MLXIPL: variants seen among roughly 807,000 people sequenced by gnomAD.
The protein encoded by MLXIPL is carbohydrate-responsive element-binding protein.
In MLXIPL, 49 loss-of-function variants were observed where a neutral mutation model predicts 81.5. The ratio of observed to expected loss-of-function variants is 0.60; its 90% CI spans 0.48 to 0.76. The LOEUF (loss-of-function observed/expected upper bound fraction) is 0.76. MLXIPL is among the 30% of genes least tolerant of loss of function. The pLI is 0.00. For missense variants in MLXIPL, 1,053 were observed against 1,167.0 expected, an observed-to-expected ratio of 0.90 and a Z score of 1.42; for synonymous variants, 466 against 485.5, an observed-to-expected ratio of 0.96 and a Z score of 0.53.
chr7:73,596,729 G>T lies in MLXIPL; in HGVS notation c.1732C>A (p.Pro578Thr). The T allele has an allele frequency of 6.3e-7, 1 of 1,593,414 alleles. No individual in the cohort carries two copies. Among genetic ancestry groups the T allele is most frequent in the Non-Finnish European group, 8.5e-7 (1 of 1,171,044 alleles). ...GTGGCCGGGCCTGGAGGTGGCCGGG[G>T]CGGTGTAGGGGCCGGGGTCGGGGGA... The part of the protein sequence containing the change: ...FLPPTPAPTP[P>T]RPPPGPATLA... Residue 578 changes from proline to threonine, a missense_variant, in exon 11 of 17, where the codon CCC becomes ACC. Physicochemically the swap from Pro to Thr is conservative, Grantham distance 38. Around this residue, in one of 3 missense-constraint regions of MLXIPL, gnomAD observed 823 missense variants for 933.0 expected, o/e 0.88. Coordinates refer to ENST00000313375, the MANE Select transcript of MLXIPL (RefSeq NM_032951.3). This position sits in a 1 kb window ranked among gnomAD's most constrained non-coding sequence, Gnocchi z 4.7.
the MLXIPL span, among the ~76,000 whole-genome samples, chr7:73,644,447 C>T: frequency 1.3e-5 from 2 of 152,112 alleles, no homozygotes; most frequent in South Asian, 2.1e-4. Context: ...TGACCTCAGA[C>T]GATCCACCCG....
chr7:73,643,671 AG>A, the MLXIPL span, among the ~76,000 whole-genome samples: 19 of 152,286 alleles, frequency 1.2e-4, no homozygotes, highest in Non-Finnish European at 2.5e-4. Flanking sequence ...CCCGTCCCTT[AG>A]GCCTCCTTGC....
At chr7:73,631,953 CTTTTCTTTTCTT>C in the MLXIPL span, among the ~76,000 whole-genome samples, 1 of 104,062 alleles carries the variant, frequency 9.6e-6, no homozygotes, top group Non-Finnish European at 1.8e-5. Context: ...TTTCTCTTTT[CTTTTCTTTTCTT>C]TTTTCTTTTC....
chr7:73,606,109 C>T lies in MLXIPL; in HGVS notation c.621G>A (p.Ala207=), dbSNP rs12539160. The change falls in exon 6 of 17, where the codon GCG becomes GCA. Residue 207 remains alanine (A), a splice_region_variant and synonymous_variant. Coordinates refer to ENST00000313375, the MANE Select transcript of MLXIPL (RefSeq NM_032951.3). The part of the protein sequence containing the change: ...REDDLLAPKQ[A]EGRWPPPEQW... The stretch of plus-strand genomic sequence containing the variant: ...GCTCCGGCGGCGGCCACCTGCCTTC[C>T]GCCTAGGGAGACAGAGCCGTCAGCA... The T allele has an allele frequency of 0.035, 54,598 of 1,573,400 alleles. 1,060 individuals carry two copies. Among genetic ancestry groups the T allele is most frequent in the Middle Eastern group, 0.046 (278 of 6,012 alleles).
the MLXIPL span, among the ~76,000 whole-genome samples, chr7:73,631,256 T>A: frequency 6.6e-6 from 1 of 151,886 alleles, no homozygotes; most frequent in African/African-American, 2.4e-5. Flanking sequence ...GTGATCTGCC[T>A]GCCTCGGCTC....
the MLXIPL span, among the ~76,000 whole-genome samples, chr7:73,638,424 C>G: frequency 6.6e-6 from 1 of 152,152 alleles, no homozygotes; most frequent in African/African-American, 2.4e-5. Flanking sequence ...CCTGCTTCAG[C>G]CTTCCAAGTG....
the MLXIPL span, among the ~76,000 whole-genome samples, chr7:73,638,482 A>C: frequency 6.6e-6 from 1 of 152,144 alleles, no homozygotes; most frequent in Non-Finnish European, 1.5e-5. Flanking sequence ...AGGTTTCGCC[A>C]TGTTGGCCAG....
At chr7:73,619,227 G>A (rs980832425) in intron 1 of MLXIPL, among the ~76,000 whole-genome samples, 5 of 151,984 alleles carry the variant, frequency 3.3e-5, no homozygotes, top group African/African-American at 1.2e-4. Flanking sequence ...TTGGGAGGCC[G>A]AGGTGGGTGG....
At chr7:73,624,642 A>G (rs2116550876), upstream of MLXIPL, 18 of 1,345,668 alleles carry the variant, frequency 1.3e-5, no homozygotes, top group South Asian at 2.6e-4. Flanking sequence ...TTGTATTAGC[A>G]TAATCCTTAC....
At chr7:73,609,102 C>G (rs1211929669) in intron 2 of MLXIPL, among the ~76,000 whole-genome samples, 3 of 152,038 alleles carry the variant, frequency 2.0e-5, no homozygotes, top group African/African-American at 4.8e-5. Context: ...AGCCACTGTG[C>G]CTGGCCTCTT....
At chr7:73,635,316 G>C in the MLXIPL span, among the ~76,000 whole-genome samples, 3 of 152,000 alleles carry the variant, frequency 2.0e-5, no homozygotes, top group Admixed American at 2.0e-4. Flanking sequence ...GGAGAAGAAG[G>C]GGAGGAAGGA....
At chr7:73,606,687 A>G (rs1795306604) in intron 5 of MLXIPL, 3 of 428,262 alleles carry the variant, frequency 7.0e-6, no homozygotes, top group Admixed American at 3.5e-5. Context: ...CGGCCTCCCA[A>G]AGTGCTGGGA....
At chr7:73,638,035 C>A in the MLXIPL span, among the ~76,000 whole-genome samples, 8 of 152,268 alleles carry the variant, frequency 5.3e-5, no homozygotes, top group East Asian at 1.5e-3. Context: ...CCCCATTAAC[C>A]AAGCCCTGAG....
chr7:73,624,172 G>T, intron 1 of MLXIPL, 28 bp downstream of exon 1: 1 of 974,492 alleles, frequency 1.0e-6, no homozygotes, highest in Non-Finnish European at 1.4e-6. Context: ...TGGAAGCCAA[G>T]GCCGTCAGGG....
intron 8 of MLXIPL, among the ~76,000 whole-genome samples, chr7:73,599,058 ACT>A (rs1389065971): frequency 5.3e-5 from 8 of 149,652 alleles, no homozygotes; most frequent in Admixed American, 2.7e-4. Flanking sequence ...ACAGAGTGAG[ACT>A]CTGTCTCAAA....
chr7:73,616,103 T>C lies in MLXIPL; in HGVS notation c.368A>G (p.Asn123Ser). Residue 123 changes from asparagine (N) to serine (S), a missense_variant, in exon 2 of 17, where the codon AAC (asparagine) becomes AGC (serine). By Grantham distance (46) the Asn-to-Ser change is conservative. Transcript: ENST00000313375. ...ATACCAGGCCCTCCAGATGGCGTTG[T>C]TCAGGCGGATCTTGTCTCTGCAGAG... ...KLLCRDKIRL[N>S]NAIWRAWYIQ... 2.5e-6 allele frequency: 4 copies of C among 1,613,998 alleles called. No homozygotes were observed. Among genetic ancestry groups the C allele is most frequent in the Non-Finnish European group, 3.4e-6 (4 of 1,179,996 alleles).
At chr7:73,634,805 TTTATTATTA>T in the MLXIPL span, among the ~76,000 whole-genome samples, 2 of 146,992 alleles carry the variant, frequency 1.4e-5, no homozygotes, top group Middle Eastern at 3.3e-3. Flanking sequence ...TCTATATGTA[TTTATTATTA>T]TTATTATTAT....
At chr7:73,632,743 TTTCCTTCCTTCCTTCC>T in the MLXIPL span, among the ~76,000 whole-genome samples, 5,722 of 133,908 alleles carry the variant, frequency 0.043, 151 homozygotes, top group Non-Finnish European at 0.063. Flanking sequence ...TCCTTCCTTC[TTTCCTTCCTTCCTTCC>T]TTCCTTCCTT....
the MLXIPL span, among the ~76,000 whole-genome samples, chr7:73,632,745 TC>T: frequency 2.5e-5 from 1 of 39,710 alleles, no homozygotes; most frequent in African/African-American, 1.4e-4. Flanking sequence ...CTTCCTTCTT[TC>T]CTTCCTTCCT....
Sources: gnomAD v4.1 joint callset for allele counts (sites outside exome capture counted in the v4.1 genomes callset) on GRCh38, gnomAD v4.1.1 for gene constraint, gnomAD v4.1.1 regional missense constraint, Gnocchi (gnomAD v3.1) non-coding constraint, MANE v1.5 for transcripts, NCBI Gene and HGNC (gene_info 2026-07-23, HGNC 2026-07-21) for gene names.